Variants in ACOXL observed in about 807,000 individuals in gnomAD.
ACOXL encodes the protein acyl-coenzyme A oxidase-like protein.
Under a neutral mutation model 71.9 loss-of-function variants are expected in ACOXL, and 70 were observed. The ratio of observed to expected loss-of-function variants is 0.97; its 90% CI spans 0.80 to 1.19. The LOEUF (loss-of-function observed/expected upper bound fraction) is 1.19. Ranked by LOEUF, ACOXL falls within the 50% of genes most tolerant of loss-of-function variation. ACOXL has a pLI of 0.00. For missense variants in ACOXL, 703 were observed against 736.3 expected, an observed-to-expected ratio of 0.95 and a Z score of 0.52; for synonymous variants, 253 against 281.6, an observed-to-expected ratio of 0.90 and a Z score of 1.02.
intron 10 of ACOXL, among the ~76,000 whole-genome samples, chr2:110,889,697 G>A (rs12471566): frequency 0.31 from 47,371 of 152,008 alleles, 7,730 homozygotes; most frequent in Middle Eastern, 0.38. Context: ...ATTCCAAATA[G>A]TATTCCTTTG....
intron 11 of ACOXL, among the ~76,000 whole-genome samples, chr2:110,910,005 A>G (rs2059593224): frequency 6.6e-6 from 1 of 152,158 alleles, no homozygotes; most frequent in Non-Finnish European, 1.5e-5. Flanking sequence ...ATTTGCATAC[A>G]GTGAAATGCA....
At chr2:110,877,896 C>T (rs895464092) in intron 10 of ACOXL, among the ~76,000 whole-genome samples, 3 of 152,202 alleles carry the variant, frequency 2.0e-5, no homozygotes, top group Non-Finnish European at 1.5e-5. Flanking sequence ...CACTGCATCC[C>T]GCAGCCGTGC....
intron 12 of ACOXL, among the ~76,000 whole-genome samples, chr2:110,982,814 G>T (rs2062770265): frequency 6.6e-6 from 1 of 152,218 alleles, no homozygotes; most frequent in Non-Finnish European, 1.5e-5. Context: ...GGAACCCCTA[G>T]GGCCAGGGCC....
chr2:110,929,249 C>G (rs1267603003), intron 11 of ACOXL, among the ~76,000 whole-genome samples: 2 of 152,080 alleles, frequency 1.3e-5, no homozygotes, highest in African/African-American at 4.8e-5. Context: ...GAGGTGGACT[C>G]AGATGGAGAT....
At chr2:110,785,651 T>C (rs746440622) in intron 3 of ACOXL, among the ~76,000 whole-genome samples, 5 of 152,186 alleles carry the variant, frequency 3.3e-5, no homozygotes, top group Non-Finnish European at 2.9e-5. Context: ...TTTGTGTGAA[T>C]ATACCACAGC....
At chr2:110,807,497 A>G (rs935424150) in intron 9 of ACOXL, among the ~76,000 whole-genome samples, 4 of 152,232 alleles carry the variant, frequency 2.6e-5, no homozygotes, top group African/African-American at 9.6e-5. Context: ...GTAACAAGGC[A>G]ATGTGCAATG....
At position 110,944,938 on chromosome 2, in the gene ACOXL, G is replaced by C. The variant is rs143452101; in HGVS notation, c.1059+11296G>C. On this transcript the variant is annotated intron_variant, in intron 12 of 17. Transcript: ENST00000439055. ...AATTACCAAACTGCTTTTCACAGTGGCTGAACCAATTTACATTCCCACCAG... is the reference window on the plus strand; with the variant it reads ...AATTACCAAACTGCTTTTCACAGTGCCTGAACCAATTTACATTCCCACCAG... 2.0e-3 allele frequency among the ~76,000 whole-genome samples: 310 copies of C among 152,298 alleles called. 2 individuals are homozygous for C. The highest frequency in any genetic ancestry group is 7.3e-3 in the African/African-American group (302 of 41,550).
At chr2:110,861,072 T>A (rs1693898424) in intron 10 of ACOXL, among the ~76,000 whole-genome samples, 1 of 152,152 alleles carries the variant, frequency 6.6e-6, no homozygotes, top group South Asian at 2.1e-4. Context: ...AGGCGGAGGT[T>A]GCAGTGAGTC....
At chr2:111,109,433 A>ATGGCCTGTTCATT (rs2069783050) in intron 17 of ACOXL, among the ~76,000 whole-genome samples, 1 of 139,138 alleles carries the variant, frequency 7.2e-6, no homozygotes, top group East Asian at 2.0e-4. Context: ...CATGGTACTG[A>ATGGCCTGTTCATT]TGGCCTGTTC....
At position 110,996,015 on chromosome 2, in the gene ACOXL, A is replaced by T; in HGVS notation, c.1281+11A>T. 1.3e-6 allele frequency: 2 copies of T among 1,575,292 alleles called. No individual in the cohort carries two copies. The highest frequency in any genetic ancestry group is 1.7e-6 in the Non-Finnish European group (2 of 1,164,522). On this transcript the variant is annotated intron_variant, in intron 14 of 17. Transcript: ENST00000439055. Reference sequence around the variant, plus strand: ...AGAATTTATTATAAGGTAAAGATACACTGTGTTATATTTTTCCTTTTGACA... The same window carrying T: ...AGAATTTATTATAAGGTAAAGATACTCTGTGTTATATTTTTCCTTTTGACA...
chr2:110,903,154 G>C (rs1013808078), intron 10 of ACOXL, among the ~76,000 whole-genome samples: 67 of 152,236 alleles, frequency 4.4e-4, no homozygotes, highest in African/African-American at 1.5e-3. Flanking sequence ...CTGCAGAGCA[G>C]GAAACATGGG....
At chr2:110,817,071 G>A (rs1688001660) in intron 9 of ACOXL, among the ~76,000 whole-genome samples, 1 of 152,234 alleles carries the variant, frequency 6.6e-6, no homozygotes, top group Admixed American at 6.5e-5. Flanking sequence ...CACAGTGCGA[G>A]GCACACAGGG....
chr2:110,802,427 T>C (rs1202233671), intron 8 of ACOXL, among the ~76,000 whole-genome samples: 1 of 152,240 alleles, frequency 6.6e-6, no homozygotes, highest in African/African-American at 2.4e-5. Context: ...CATAGTCATG[T>C]TAAATCTGTG....
chr2:110,787,827 C>T (rs779423213), intron 3 of ACOXL, among the ~76,000 whole-genome samples: 3 of 152,182 alleles, frequency 2.0e-5, no homozygotes, highest in Non-Finnish European at 4.4e-5. Context: ...GTGTCCTTCC[C>T]GCAGGGATGC....
chr2:110,873,793 C>T (rs887565645), intron 10 of ACOXL, among the ~76,000 whole-genome samples: 1 of 152,200 alleles, frequency 6.6e-6, no homozygotes, highest in Non-Finnish European at 1.5e-5. Flanking sequence ...CTACGTCTGT[C>T]CAGTAGGGCA....
chr2:110,812,345 T>C (rs796279605), intron 9 of ACOXL, among the ~76,000 whole-genome samples: 65 of 152,322 alleles, frequency 4.3e-4, no homozygotes, highest in African/African-American at 1.5e-3. Context: ...GGGGAGTACA[T>C]GAGAAGGTTT....
rs748036072 is a variant in ACOXL at position 110,762,141 on chromosome 2, A to T, written c.-22-6227A>T. Among the ~76,000 whole-genome samples the T allele has an allele frequency of 3.3e-5, 5 of 152,130 alleles. No individual in the cohort carries two copies. The South Asian group carries it at 8.3e-4, about 25-fold the overall frequency. ...TTTTTTCTGACATCTACTCTAGCTG[A>T]TATAAATATAACCATTTCTACTTTT... On this transcript the variant is annotated intron_variant, in intron 1 of 17. Coordinates refer to ENST00000439055, the MANE Select transcript of ACOXL (RefSeq NM_001142807.4).
intron 1 of ACOXL, 93 bp from the exon 2 acceptor site, chr2:110,768,275 C>A: frequency 1.0e-6 from 1 of 957,138 alleles, no homozygotes; most frequent in Non-Finnish European, 1.6e-6. Flanking sequence ...ACAATGGACA[C>A]AGCTTTTCTG....
intron 16 of ACOXL, among the ~76,000 whole-genome samples, chr2:111,080,142 T>C (rs1351479910): frequency 6.6e-6 from 1 of 152,148 alleles, no homozygotes; most frequent in East Asian, 1.9e-4. Flanking sequence ...ACTAGCAATC[T>C]ATTTTGTTAA....
Sources: allele counts gnomAD v4.1 joint callset (sites outside exome capture counted in the v4.1 genomes callset), GRCh38; gene constraint gnomAD v4.1.1; transcripts MANE v1.5; gene names NCBI Gene and HGNC (gene_info 2026-07-23, HGNC 2026-07-21).